The following SGCG variants were observed in gnomAD, a reference collection of about 807,000 sequenced individuals.
The protein encoded by SGCG is sarcoglycan gamma.
In SGCG, 26 loss-of-function variants were observed where a neutral mutation model predicts 29.3. That is an observed-to-expected ratio of 0.89 (90% CI 0.65 to 1.23). SGCG has a LOEUF of 1.23. Ranked by LOEUF, SGCG falls within the 50% of genes most tolerant of loss-of-function variation. SGCG has a pLI of 0.00. For synonymous variants in SGCG, 145 were observed against 129.7 expected, an observed-to-expected ratio of 1.12 and a Z score of -0.80; for missense variants, 353 against 356.0, an observed-to-expected ratio of 0.99 and a Z score of 0.07.
intron 4 of SGCG, among the ~76,000 whole-genome samples, chr13:23,278,395 A>G (rs1040412289): frequency 6.6e-6 from 1 of 151,286 alleles, no homozygotes. Flanking sequence ...GCGAGCGGAG[A>G]TCGCACCATT....
In SGCG at chr13:23,286,516, C is replaced by A. The variant is rs750362145; in HGVS notation, c.505+7038C>A. On this transcript the variant is annotated intron_variant, in intron 5 of 7. Transcript: ENST00000218867. ...CCTCAATTTAACTATTACAGTTGTT[C>A]CTCATTATCTTCAGGGGATACGTTC... Among the ~76,000 whole-genome samples, 30 of 152,274 alleles carry A rather than the reference C, an allele frequency of 2.0e-4. 1 individual carries two copies. Among genetic ancestry groups the A allele is most frequent in the Middle Eastern group, 6.8e-3 (2 of 294 alleles).
At position 23,259,510 on chromosome 13, in the gene SGCG, A is replaced by AT. The variant is rs1180439384; in HGVS notation, c.385+8799dup. On this transcript the variant is annotated intron_variant, in intron 4 of 7. Coordinates refer to ENST00000218867, the MANE Select transcript of SGCG (RefSeq NM_000231.3). Reference sequence around the variant, plus strand: ...AAAAAACCAGCTCCTAGATTCATTGATTTTTTGAAGGGTTTTTTATGTTTC... The same window carrying AT: ...AAAAAACCAGCTCCTAGATTCATTGATTTTTTTGAAGGGTTTTTTATGTTTC... Among the ~76,000 whole-genome samples, 11 of 151,908 alleles carry AT rather than the reference A, an allele frequency of 7.2e-5. No homozygotes were observed. The East Asian group carries it at 2.1e-3, about 29-fold the overall frequency.
intron 7 of SGCG, among the ~76,000 whole-genome samples, chr13:23,322,143 T>C (rs1343876430): frequency 6.6e-6 from 1 of 152,228 alleles, no homozygotes; most frequent in East Asian, 1.9e-4. Flanking sequence ...AATTGTCTTG[T>C]ACATAGCTCT....
chr13:23,188,011 G>A (rs542805419), intron 1 of SGCG, among the ~76,000 whole-genome samples: 1 of 152,168 alleles, frequency 6.6e-6, no homozygotes, highest in East Asian at 1.9e-4. Context: ...ACCCCACAGG[G>A]GCACCAGCAG....
chr13:23,299,407 CATATATATATATATAT>C (rs1191940207), intron 6 of SGCG, among the ~76,000 whole-genome samples: 13 of 23,932 alleles, frequency 5.4e-4, no homozygotes, highest in African/African-American at 2.2e-3. Flanking sequence ...TCTTAGTTGG[CATATATATATATATAT>C]ATATATATAT....
rs116600484 is a variant in SGCG, at chr13:23,201,799, T to C, written c.1-1896T>C. The stretch of plus-strand genomic sequence containing the variant: ...AAACTTTGCTAGTTGTATTCACCTG[T>C]AGCAATATTGTAAGTCTGTGCTTGC... On this transcript the variant is annotated intron_variant, in intron 1 of 7. Transcript: ENST00000218867. Among the ~76,000 whole-genome samples, 505 of 152,328 alleles carry C rather than the reference T, an allele frequency of 3.3e-3. 2 individuals carry two copies. The highest frequency in any genetic ancestry group is 0.011 in the African/African-American group (476 of 41,568).
chr13:23,320,165 C>G (rs889952367), intron 6 of SGCG, among the ~76,000 whole-genome samples: 3 of 152,158 alleles, frequency 2.0e-5, no homozygotes, highest in Non-Finnish European at 4.4e-5. Flanking sequence ...AAAAAACAAG[C>G]CTGCCACAGC....
At chr13:23,261,491 C>G (rs1235650540) in intron 4 of SGCG, among the ~76,000 whole-genome samples, 1 of 151,976 alleles carries the variant, frequency 6.6e-6, no homozygotes, top group African/African-American at 2.4e-5. Context: ...TGAACAAAAT[C>G]TCTACAAAAT....
At chr13:23,318,316 G>A (rs1387389306) in intron 6 of SGCG, among the ~76,000 whole-genome samples, 4 of 151,458 alleles carry the variant, frequency 2.6e-5, no homozygotes, top group African/African-American at 9.7e-5. Flanking sequence ...CAAGTCTTTT[G>A]TATACATCTT....
intron 1 of SGCG, among the ~76,000 whole-genome samples, chr13:23,186,877 A>G (rs1428935284): frequency 6.6e-6 from 1 of 152,158 alleles, no homozygotes; most frequent in Non-Finnish European, 1.5e-5. Flanking sequence ...GTTCTTGGAT[A>G]GTGATGCTGG....
intron 3 of SGCG, chr13:23,244,628 T>G (rs1879629259): frequency 1.3e-5 from 2 of 152,188 alleles, no homozygotes; most frequent in Non-Finnish European, 2.9e-5. Flanking sequence ...CCCATGGGAT[T>G]CTCACATTTT....
At chr13:23,185,256 A>C (rs1307910519) in intron 1 of SGCG, among the ~76,000 whole-genome samples, 1 of 152,164 alleles carries the variant, frequency 6.6e-6, no homozygotes, top group Non-Finnish European at 1.5e-5. Context: ...CAATGGTGCG[A>C]TCTTGGCTCA....
chr13:23,241,400 C>G (rs748174947), intron 3 of SGCG, among the ~76,000 whole-genome samples: 3 of 152,056 alleles, frequency 2.0e-5, no homozygotes, highest in Non-Finnish European at 1.5e-5. Flanking sequence ...ATACATACAA[C>G]CTTCCAAGAT....
the SGCG span, among the ~76,000 whole-genome samples, chr13:23,166,600 G>T: frequency 6.6e-6 from 1 of 152,114 alleles, no homozygotes; most frequent in Admixed American, 6.5e-5. Flanking sequence ...AAGAAAAGTT[G>T]GGGACTTTTC....
At chr13:23,210,927 C>CG (rs1491393366) in intron 2 of SGCG, among the ~76,000 whole-genome samples, 1 of 140,164 alleles carries the variant, frequency 7.1e-6, no homozygotes, top group African/African-American at 2.8e-5. Flanking sequence ...GAACCATGTC[C>CG]GAAAAAAGTC....
intron 3 of SGCG, among the ~76,000 whole-genome samples, chr13:23,241,359 G>A (rs915112811): frequency 1.3e-5 from 2 of 151,988 alleles, no homozygotes; most frequent in African/African-American, 4.8e-5. Flanking sequence ...CAATAAGTTT[G>A]AAAGCCTAGG....
intron 6 of SGCG, among the ~76,000 whole-genome samples, chr13:23,319,360 G>A (rs1882950334): frequency 6.6e-6 from 1 of 151,514 alleles, no homozygotes. Context: ...ACATGGAGCT[G>A]TACCAAAGTG....
At chr13:23,178,766 G>A (rs184848181), upstream of SGCG, among the ~76,000 whole-genome samples, 266 of 152,098 alleles carry the variant, frequency 1.7e-3, 1 homozygote, top group African/African-American at 5.2e-3. Flanking sequence ...CAAAACTGAC[G>A]ACATCACTAC....
chr13:23,277,739 C>T (rs4769251), intron 4 of SGCG, among the ~76,000 whole-genome samples: 16,379 of 147,994 alleles, frequency 0.11, 1,035 homozygotes, highest in Non-Finnish European at 0.12. Flanking sequence ...CACTCTGTCG[C>T]CCAGGCTGGA....
Sources: allele counts gnomAD v4.1 joint callset (sites outside exome capture counted in the v4.1 genomes callset), GRCh38; gene constraint gnomAD v4.1.1; transcripts MANE v1.5; gene names NCBI Gene and HGNC (gene_info 2026-07-23, HGNC 2026-07-21).